PWWP2A: variants seen among roughly 807,000 people sequenced by gnomAD.
The protein encoded by PWWP2A is PWWP domain-containing protein 2A.
Under a neutral mutation model 48.5 loss-of-function variants are expected in PWWP2A, and 18 were observed. The ratio of observed to expected loss-of-function variants is 0.37; its 90% CI spans 0.26 to 0.55. The LOEUF is 0.55. Ranked by LOEUF, PWWP2A falls within the 20% of genes least tolerant of loss-of-function variation. PWWP2A has a pLI of 0.81. For synonymous variants in PWWP2A, 396 were observed against 387.7 expected (o/e 1.02, Z -0.25); for missense variants, 867 against 976.4 (o/e 0.89, Z 1.49).
At chr5:160,049,644 A>C in the PWWP2A span, 1 of 1,584,152 alleles carries the variant, frequency 6.3e-7, no homozygotes, top group Non-Finnish European at 8.5e-7. Context: ...CAATACATCA[A>C]GCAAGAGAAG....
the PWWP2A span, among the ~76,000 whole-genome samples, chr5:160,055,509 G>C: frequency 6.6e-6 from 1 of 152,234 alleles, no homozygotes; most frequent in Admixed American, 6.5e-5. Context: ...ACCTTTTGGA[G>C]CTGCATCTCA....
Position 160,092,890 on chromosome 5 carries a change from C to T in PWWP2A, c.1760G>A (p.Ser587Asn). The T allele has an allele frequency of 6.4e-7, 1 of 1,551,702 alleles. No homozygotes were observed. The highest frequency in any genetic ancestry group is 2.4e-5 in the East Asian group (1 of 40,920). Residue 587 changes from serine (S) to asparagine (N), a missense_variant, in exon 2 of 2, where the codon AGC (serine) becomes AAC (asparagine). Coordinates refer to ENST00000307063, the MANE Select transcript of PWWP2A (RefSeq NM_001130864.2). ...GTTGGAAGATTTCAAATCATCTGTG[C>T]TATCAATGCTACACACTGAAGCACT... Reference protein sequence around the residue: ...SSSASVCSIDSTDDLKSSNSE... With the variant: ...SSSASVCSIDNTDDLKSSNSE...
Position 160,081,927 on chromosome 5 carries a change from T to C in PWWP2A, c.1550-1157A>G, listed in dbSNP as rs189446732. Among the ~76,000 whole-genome samples the C allele has an allele frequency of 1.5e-4, 23 of 152,326 alleles. No individual in the cohort carries two copies. In the East Asian group the frequency reaches 4.2e-3, roughly 28 times the overall value. On this transcript the variant is annotated intron_variant, in intron 2 of 3. Transcript: ENST00000456329. The stretch of plus-strand genomic sequence containing the variant: ...CTAAGTTAAATTAGAAGCAGCAGTA[T>C]ATAATGAAAACCTATTTATAAAAGG...
intron 1 of PWWP2A, among the ~76,000 whole-genome samples, chr5:160,102,788 C>T (rs1455790695): frequency 6.6e-6 from 1 of 152,090 alleles, no homozygotes; most frequent in African/African-American, 2.4e-5. Context: ...ACATTGCCTG[C>T]ATAACCTAAA....
intron 2 of PWWP2A, among the ~76,000 whole-genome samples, chr5:160,082,139 C>A (rs909747439): frequency 6.6e-6 from 1 of 152,152 alleles, no homozygotes; most frequent in Admixed American, 6.5e-5. Context: ...ATAAGGGAAT[C>A]TGAGTGCACT....
At chr5:160,072,302 A>AATG (rs1418317245), downstream of PWWP2A, among the ~76,000 whole-genome samples, 3 of 152,190 alleles carry the variant, frequency 2.0e-5, no homozygotes, top group African/African-American at 4.8e-5. Flanking sequence ...CTAAAATTGG[A>AATG]ATGATAGAAG....
chr5:160,056,438 C>T, the PWWP2A span, among the ~76,000 whole-genome samples: 1 of 152,206 alleles, frequency 6.6e-6, no homozygotes, highest in Non-Finnish European at 1.5e-5. Context: ...GCATGGTGGT[C>T]ATGCCTATAA....
intron 1 of PWWP2A, among the ~76,000 whole-genome samples, chr5:160,117,638 CAG>C (rs1231440918): frequency 6.7e-6 from 1 of 149,300 alleles, no homozygotes; most frequent in African/African-American, 2.5e-5. Context: ...GCCTGGGTGA[CAG>C]AGTGAGACTC....
At position 160,092,245 on chromosome 5, in the gene PWWP2A, G is replaced by GT; in HGVS notation, c.*136dup. ...CTCTCAGTCTAAAAATGGCTATAAG[G>GT]TAAGTATTAAAAAGCCAGCCAACTG... On this transcript the variant is annotated 3_prime_UTR_variant, in exon 2 of 2. Transcript: ENST00000307063. 2.1e-6 allele frequency: 3 copies of GT among 1,411,536 alleles called. No individual in the cohort carries two copies. The highest frequency in any genetic ancestry group is 2.8e-6 in the Non-Finnish European group (3 of 1,084,076). 87.4% of individuals were successfully genotyped at this position (1,411,536 alleles called of 1,614,324 possible).
At chr5:160,076,229 C>A (rs1030121581) in exon 4 of PWWP2A, 2 of 152,216 alleles carry the variant, frequency 1.3e-5, no homozygotes, top group East Asian at 3.9e-4. Flanking sequence ...TCTCCCAATT[C>A]TTTTGCTTTA....
intron 1 of PWWP2A, among the ~76,000 whole-genome samples, chr5:160,110,860 G>A (rs1210161455): frequency 6.7e-5 from 10 of 150,036 alleles, no homozygotes; most frequent in South Asian, 2.1e-4. Context: ...GATGAAATCC[G>A]TCTCTACTAA....
rs1753991893 is a variant in PWWP2A, at chr5:160,078,263, T to G, written c.1670-95A>C. The G allele has an allele frequency of 9.6e-7, 1 of 1,044,760 alleles. No individual in the cohort carries two copies. The highest frequency in any genetic ancestry group is 1.5e-6 in the Non-Finnish European group (1 of 689,606). 64.7% of individuals were successfully genotyped at this position (1,044,760 alleles called of 1,614,324 possible). A position where few individuals can be genotyped will look rare whatever the true frequency, so the allele number is the denominator to read the frequency against. On this transcript the variant is annotated intron_variant, in intron 3 of 3. Coordinates refer to the PWWP2A transcript ENST00000456329. The surrounding 1 kb of genome is among the most constrained non-coding windows in gnomAD (Gnocchi z 4.2). The stretch of plus-strand genomic sequence containing the variant: ...CTTGTTGTTTAAGCCCTACATAGAT[T>G]GTGGGATCACACCTGATTTTTTCTT...
At chr5:160,053,058 C>T in the PWWP2A span, among the ~76,000 whole-genome samples, 4 of 152,160 alleles carry the variant, frequency 2.6e-5, no homozygotes, top group Non-Finnish European at 4.4e-5. Context: ...AGAGAAATCA[C>T]TCTTTACATG....
chr5:160,065,225 G>A (rs375331298), intron 4 of PWWP2A: 2 of 1,013,498 alleles, frequency 2.0e-6, no homozygotes, highest in South Asian at 1.4e-5. Flanking sequence ...TTTATGATCA[G>A]GGTGAAATGT....
the PWWP2A span, among the ~76,000 whole-genome samples, chr5:160,053,468 G>A: frequency 6.6e-6 from 1 of 152,140 alleles, no homozygotes; most frequent in African/African-American, 2.4e-5. Context: ...GGAGGCTGCT[G>A]TGGGAGGATC....
At chr5:160,090,584 A>G, downstream of PWWP2A, 1 of 984,570 alleles carries the variant, frequency 1.0e-6, no homozygotes, top group African/African-American at 1.7e-5. Flanking sequence ...AAAAGCATTG[A>G]GTGAGTTCCC....
chr5:160,106,820 C>CTTTTTTTTT (rs764479391), intron 1 of PWWP2A, among the ~76,000 whole-genome samples: 2 of 119,756 alleles, frequency 1.7e-5, no homozygotes, highest in African/African-American at 3.1e-5. Flanking sequence ...AACCATTAAC[C>CTTTTTTTTT]TTTTTTTTTT....
chr5:160,091,557 T>TC lies in PWWP2A; in HGVS notation c.*824dup. On this transcript the variant is annotated 3_prime_UTR_variant, in exon 2 of 2. Transcript: ENST00000307063. ...CAAAGTATAATTTTACTGGGACATA[T>TC]CCTAAGAATTTAGGAACAGCCAGTC... The TC allele has an allele frequency of 1.0e-6, 1 of 984,984 alleles. No homozygotes were observed. The highest frequency in any genetic ancestry group is 1.2e-6 in the Non-Finnish European group (1 of 829,578). 61.0% of individuals were successfully genotyped at this position (984,984 alleles called of 1,614,324 possible).
intron 1 of PWWP2A, among the ~76,000 whole-genome samples, chr5:160,110,103 C>G (rs1581264785): frequency 6.6e-6 from 1 of 151,340 alleles, no homozygotes; most frequent in African/African-American, 2.4e-5. Context: ...TCACTGCAGC[C>G]TCCGCCTCCC....
Sources: allele counts gnomAD v4.1 joint callset (sites outside exome capture counted in the v4.1 genomes callset), GRCh38; gene constraint gnomAD v4.1.1; non-coding constraint Gnocchi (gnomAD v3.1); transcripts MANE v1.5; gene names NCBI Gene and HGNC (gene_info 2026-07-23, HGNC 2026-07-21).